The following CSMD3 variants were observed in gnomAD, a reference collection of about 807,000 sequenced individuals.
The protein encoded by CSMD3 is CUB and Sushi multiple domains 3, also known as CUB and sushi domain-containing protein 3.
Under a neutral mutation model 435.2 loss-of-function variants are expected in CSMD3, and 177 were observed. The ratio of observed to expected loss-of-function variants is 0.41; its 90% CI spans 0.36 to 0.46. The LOEUF is 0.46. Ranked by LOEUF, CSMD3 falls within the 20% of genes least tolerant of loss-of-function variation. The probability of loss-of-function intolerance (pLI) is 0.34; values close to 1 mark genes in which losing one functional copy is unlikely to be tolerated. For synonymous variants in CSMD3, 1,656 were observed against 1,520.5 expected (o/e 1.09, Z -2.07); for missense variants, 4,265 against 4,504.6 (o/e 0.95, Z 1.52).
intron 31 of CSMD3, 124 bp from the exon 32 acceptor site, chr8:112,472,831 C>G (rs1160170767): frequency 7.6e-6 from 5 of 656,644 alleles, no homozygotes; most frequent in Non-Finnish European, 1.4e-5. Flanking sequence ...TTATTTGCAT[C>G]TTATAATAAG....
In CSMD3 at chr8:112,573,540, T is replaced by A. The variant is rs370239978; in HGVS notation, c.4003A>T (p.Thr1335Ser). The A allele has an allele frequency of 6.2e-7, 1 of 1,613,482 alleles. No individual in the cohort carries two copies. Among genetic ancestry groups the A allele is most frequent in the South Asian group, 1.1e-5 (1 of 91,086 alleles). ...TGAAAGCCTTCATCTGTCCCTTCAG[T>A]ATCGGAATTAAATTCTAGCCAGAGT... Reference protein sequence around the residue: ...NQLWLEFNSDTEGTDEGFQLV... With the variant: ...NQLWLEFNSDSEGTDEGFQLV... The change falls in exon 24 of 71, where the codon ACT becomes TCT. Residue 1335 changes from threonine to serine, a missense_variant. This residue lies in a region of CSMD3 where 3,255 missense variants were observed against 3,380.2 expected (regional missense o/e 0.96). Coordinates refer to ENST00000297405, the MANE Select transcript of CSMD3 (RefSeq NM_198123.2).
At chr8:113,062,381 T>C (rs2088653512) in intron 5 of CSMD3, among the ~76,000 whole-genome samples, 1 of 151,906 alleles carries the variant, frequency 6.6e-6, no homozygotes, top group African/African-American at 2.4e-5. Context: ...CAAAATAGCT[T>C]ATTGCACTAT....
intron 54 of CSMD3, among the ~76,000 whole-genome samples, chr8:112,295,301 T>A (rs535101855): frequency 6.6e-6 from 1 of 152,194 alleles, no homozygotes; most frequent in East Asian, 1.9e-4. Context: ...GCTCACATAA[T>A]CATCAGAGGA....
chr8:113,302,300 A>ATAATATAATATAT (rs1554603162), intron 2 of CSMD3, among the ~76,000 whole-genome samples: 1 of 135,794 alleles, frequency 7.4e-6, no homozygotes, highest in Non-Finnish European at 1.5e-5. Flanking sequence ...ATATAATATA[A>ATAATATAATATAT]TATATATATT....
At position 113,381,746 on chromosome 8, in the gene CSMD3, T is replaced by A. The variant is rs115743313; in HGVS notation, c.178+54931A>T. On this transcript the variant is annotated intron_variant, in intron 1 of 70. Transcript: ENST00000297405. ...ATAAAGGAGGTAAAATATGATTTTATAAAAGAGGCCATAAGTAAAAAATTT... is the reference window on the plus strand; with the variant it reads ...ATAAAGGAGGTAAAATATGATTTTAAAAAAGAGGCCATAAGTAAAAAATTT... Among the ~76,000 whole-genome samples, 1,099 of 152,144 alleles carry A rather than the reference T, an allele frequency of 7.2e-3. 14 individuals carry two copies. Among genetic ancestry groups the A allele is most frequent in the African/African-American group, 0.025 (1,028 of 41,514 alleles).
intron 5 of CSMD3, among the ~76,000 whole-genome samples, chr8:113,085,050 T>C (rs1328078133): frequency 6.6e-6 from 1 of 152,062 alleles, no homozygotes; most frequent in Non-Finnish European, 1.5e-5. Context: ...TTGAGGACAT[T>C]GGTCTGTACA....
At chr8:113,070,834 C>G (rs983443595) in intron 5 of CSMD3, among the ~76,000 whole-genome samples, 23 of 152,026 alleles carry the variant, frequency 1.5e-4, no homozygotes, top group African/African-American at 5.6e-4. Flanking sequence ...TGGATATACA[C>G]TCAGATGTGA....
intron 13 of CSMD3, among the ~76,000 whole-genome samples, chr8:112,733,751 G>A (rs1377607549): frequency 2.6e-5 from 4 of 151,944 alleles, no homozygotes. Flanking sequence ...TATAGCAAAG[G>A]AAGAGGACTG....
chr8:112,725,786 A>C (rs1210189844), intron 13 of CSMD3, among the ~76,000 whole-genome samples: 2 of 151,986 alleles, frequency 1.3e-5, no homozygotes, highest in Non-Finnish European at 2.9e-5. Flanking sequence ...ATTAATTTGA[A>C]TTTCAATCCA....
chr8:113,280,061 G>C (rs1031376145), intron 2 of CSMD3, among the ~76,000 whole-genome samples: 1 of 151,644 alleles, frequency 6.6e-6, no homozygotes, highest in Non-Finnish European at 1.5e-5. Flanking sequence ...TTTTGGATTC[G>C]GTTAGCTAGT....
intron 32 of CSMD3, among the ~76,000 whole-genome samples, chr8:112,461,414 A>C (rs1181964279): frequency 1.3e-5 from 2 of 152,108 alleles, no homozygotes; most frequent in Non-Finnish European, 2.9e-5. Context: ...ATCTATATTA[A>C]TATATATGTA....
At chr8:112,294,021 A>T (rs1359137880) in intron 54 of CSMD3, among the ~76,000 whole-genome samples, 1 of 152,040 alleles carries the variant, frequency 6.6e-6, no homozygotes, top group East Asian at 1.9e-4. Flanking sequence ...TAAATGAAAA[A>T]GAACATATCC....
At chr8:112,700,120 T>C (rs1486163557) in intron 13 of CSMD3, among the ~76,000 whole-genome samples, 1 of 152,172 alleles carries the variant, frequency 6.6e-6, no homozygotes, top group East Asian at 1.9e-4. Flanking sequence ...TATTTGGGAA[T>C]GATGAGCTAT....
chr8:112,892,545 A>T (rs1194997399), intron 10 of CSMD3, among the ~76,000 whole-genome samples: 1 of 151,606 alleles, frequency 6.6e-6, no homozygotes, highest in African/African-American at 2.4e-5. Context: ...TTTTTAAAAG[A>T]AGTAGATACT....
intron 32 of CSMD3, among the ~76,000 whole-genome samples, chr8:112,436,189 C>A (rs1235423496): frequency 6.6e-6 from 1 of 151,852 alleles, no homozygotes; most frequent in African/African-American, 2.4e-5. Flanking sequence ...AATTGCTCCT[C>A]TGATTCCTAA....
chr8:112,400,871 G>A (rs1831272859), intron 35 of CSMD3, among the ~76,000 whole-genome samples: 1 of 151,988 alleles, frequency 6.6e-6, no homozygotes, highest in African/African-American at 2.4e-5. Context: ...GTAGAATAGG[G>A]GCCCTCTTCA....
In CSMD3 at chr8:113,002,466, T is replaced by A. The variant is rs544204262; in HGVS notation, c.1030+16601A>T. On this transcript the variant is annotated intron_variant, in intron 6 of 70. Transcript: ENST00000297405. Reference sequence around the variant, plus strand: ...TTCTCAGAAAGGAGAAAATGTGGAATCAGAACTGAGTCTTCCTTTAATGAT... The same window carrying A: ...TTCTCAGAAAGGAGAAAATGTGGAAACAGAACTGAGTCTTCCTTTAATGAT... Among the ~76,000 whole-genome samples the A allele has an allele frequency of 2.0e-5, 3 of 152,238 alleles. No homozygotes were observed. The East Asian group carries it at 5.8e-4, about 29-fold the overall frequency.
intron 35 of CSMD3, among the ~76,000 whole-genome samples, chr8:112,402,848 AG>A (rs1289450480): frequency 6.6e-6 from 1 of 152,222 alleles, no homozygotes; most frequent in African/African-American, 2.4e-5. Context: ...ACAGACATAT[AG>A]AAACATTTCT....
At chr8:113,311,660 C>T (rs139756250) in intron 2 of CSMD3, 8 of 152,118 alleles carry the variant, frequency 5.3e-5, no homozygotes, top group African/African-American at 1.9e-4. Flanking sequence ...GCAGCAGTTT[C>T]GACTTCTAAT....
Sources: gnomAD v4.1 joint callset for allele counts (sites outside exome capture counted in the v4.1 genomes callset) on GRCh38, gnomAD v4.1.1 for gene constraint, gnomAD v4.1.1 regional missense constraint, MANE v1.5 for transcripts, NCBI Gene and HGNC (gene_info 2026-07-23, HGNC 2026-07-21) for gene names.